Variants in AP3S2 observed in about 807,000 individuals in gnomAD.
AP3S2 encodes the protein adaptor related protein complex 3 subunit sigma 2.
AP3S2 carries 22 observed loss-of-function variants against 23.4 expected under a neutral mutation model. The observed-to-expected ratio is 0.94, with a 90% CI of 0.67 to 1.34. AP3S2 has a LOEUF of 1.34. Among genes scored for constraint, AP3S2 ranks in the 40% most tolerant of loss-of-function variants. The pLI, the probability that AP3S2 is intolerant of heterozygous loss-of-function variation, is 0.00. For synonymous variants in AP3S2, 86 were observed against 87.1 expected (o/e 0.99, Z 0.07); for missense variants, 241 against 236.9 (o/e 1.02, Z -0.11).
At chr15:89,851,905 GCA>G (rs2141851887) in intron 4 of AP3S2, among the ~76,000 whole-genome samples, 1 of 151,902 alleles carries the variant, frequency 6.6e-6, no homozygotes, top group African/African-American at 2.4e-5. Flanking sequence ...CAAATGCCAA[GCA>G]CAGTGCTAAG....
At chr15:89,852,487 G>A (rs1300420264) in intron 4 of AP3S2, 3 of 152,140 alleles carry the variant, frequency 2.0e-5, no homozygotes, top group Non-Finnish European at 4.4e-5. Flanking sequence ...GTGGGCTGTT[G>A]AGCAGCAACA....
intron 1 of AP3S2, among the ~76,000 whole-genome samples, chr15:89,889,870 A>C (rs868817944): frequency 7.8e-4 from 118 of 150,932 alleles, no homozygotes; most frequent in Admixed American, 1.7e-3. Context: ...TCTCAAAAAA[A>C]AAAAAAAAAA....
intron 4 of AP3S2, chr15:89,845,581 G>C (rs143636878): frequency 3.3e-5 from 5 of 152,296 alleles, no homozygotes; most frequent in Non-Finnish European, 7.3e-5. Flanking sequence ...CACAAAGAAG[G>C]GTTCTGTTAA....
intron 4 of AP3S2, among the ~76,000 whole-genome samples, chr15:89,863,632 A>G (rs1596204188): frequency 6.6e-6 from 1 of 152,346 alleles, no homozygotes; most frequent in East Asian, 1.9e-4. Context: ...AAGATTAGGA[A>G]TAAACAACTT....
chr15:89,860,852 C>G (rs1250713204), intron 4 of AP3S2, among the ~76,000 whole-genome samples: 1 of 152,162 alleles, frequency 6.6e-6, no homozygotes, highest in Non-Finnish European at 1.5e-5. Flanking sequence ...GATAGAGAAA[C>G]AGAGGCAGCC....
chr15:89,872,992 G>GAT (rs1896355876), intron 3 of AP3S2, among the ~76,000 whole-genome samples: 1 of 152,066 alleles, frequency 6.6e-6, no homozygotes, highest in South Asian at 2.1e-4. Flanking sequence ...ATATCTAACA[G>GAT]ATATATACAT....
intron 4 of AP3S2, among the ~76,000 whole-genome samples, chr15:89,858,533 GAAAGAA>G (rs1895919754): frequency 1.9e-5 from 1 of 51,716 alleles, no homozygotes; most frequent in Admixed American, 3.0e-4. Flanking sequence ...GAGAAAGAAA[GAAAGAA>G]AGAAAGAAAG....
chr15:89,872,654 C>A (rs79427411), intron 3 of AP3S2, among the ~76,000 whole-genome samples: 1 of 152,164 alleles, frequency 6.6e-6, no homozygotes, highest in East Asian at 1.9e-4. Flanking sequence ...CCAGGCACAC[C>A]GTTCCACTGT....
intron 5 of AP3S2, among the ~76,000 whole-genome samples, chr15:89,836,233 TAC>T (rs1567171136): frequency 6.6e-6 from 1 of 152,202 alleles, no homozygotes; most frequent in African/African-American, 2.4e-5. Context: ...GTGTGGCCTA[TAC>T]AGTTTCACAG....
intron 4 of AP3S2, among the ~76,000 whole-genome samples, chr15:89,865,171 T>G (rs1167695821): frequency 6.6e-6 from 1 of 152,114 alleles, no homozygotes; most frequent in Non-Finnish European, 1.5e-5. Context: ...CTGCTCTACC[T>G]CATCCTCAGT....
intron 4 of AP3S2, among the ~76,000 whole-genome samples, chr15:89,843,985 G>A (rs1895399101): frequency 6.6e-6 from 1 of 152,066 alleles, no homozygotes; most frequent in African/African-American, 2.4e-5. Context: ...GAAGAGAAGA[G>A]GGGAAAAAGG....
intron 3 of AP3S2, among the ~76,000 whole-genome samples, chr15:89,887,067 A>AT (rs1896717456): frequency 6.6e-6 from 1 of 152,152 alleles, no homozygotes; most frequent in African/African-American, 2.4e-5. Context: ...AAGTGCTGGG[A>AT]TTACAGGTGT....
At chr15:89,837,360 T>A (rs1010489156) in intron 5 of AP3S2, among the ~76,000 whole-genome samples, 3 of 152,182 alleles carry the variant, frequency 2.0e-5, no homozygotes, top group African/African-American at 7.2e-5. Flanking sequence ...CCAGAAGCTG[T>A]TTGCCTTCCT....
chr15:89,869,736 C>T (rs1233464217), intron 4 of AP3S2, among the ~76,000 whole-genome samples: 1 of 151,966 alleles, frequency 6.6e-6, no homozygotes, highest in Non-Finnish European at 1.5e-5. Flanking sequence ...GAAAGTAACA[C>T]CTTGTATTTA....
chr15:89,858,481 AAGAAAG>A (rs1006640982), intron 4 of AP3S2, among the ~76,000 whole-genome samples: 1 of 36,268 alleles, frequency 2.8e-5, no homozygotes. Flanking sequence ...GAAAGAAAGA[AAGAAAG>A]AAAGAAAGAG....
chr15:89,854,504 C>A (rs1352715494), intron 4 of AP3S2, among the ~76,000 whole-genome samples: 2 of 75,666 alleles, frequency 2.6e-5, no homozygotes, highest in Non-Finnish European at 5.7e-5. Flanking sequence ...CCAGCCGCCC[C>A]GTCCGGGAGG....
chr15:89,867,977 G>A lies in AP3S2; in HGVS notation c.345+3498C>T, dbSNP rs542321052. On this transcript the variant is annotated intron_variant, in intron 4 of 5. Coordinates refer to ENST00000336418, the MANE Select transcript of AP3S2 (RefSeq NM_005829.5). ...CCCCATCCGGCCAGCCGTGCCATCC[G>A]GGAGGGAGGTGGGGGGGTCAGCCCC... is the stretch of plus-strand genomic sequence containing the variant. Among the ~76,000 whole-genome samples the A allele has an allele frequency of 5.3e-3, 784 of 147,212 alleles. 7 individuals carry two copies. In the Middle Eastern group the frequency reaches 0.068, roughly 13 times the overall value.
At chr15:89,861,092 G>A (rs1896000342) in intron 4 of AP3S2, among the ~76,000 whole-genome samples, 1 of 152,094 alleles carries the variant, frequency 6.6e-6, no homozygotes, top group Non-Finnish European at 1.5e-5. Context: ...TTCACAGAAG[G>A]GACATCTGGC....
intron 4 of AP3S2, among the ~76,000 whole-genome samples, chr15:89,857,572 T>C (rs1895871693): frequency 6.6e-6 from 1 of 152,216 alleles, no homozygotes; most frequent in African/African-American, 2.4e-5. Context: ...TTGGGAAGTA[T>C]AGAAGATATA....
Sources: allele counts gnomAD v4.1 joint callset (sites outside exome capture counted in the v4.1 genomes callset), GRCh38; gene constraint gnomAD v4.1.1; transcripts MANE v1.5; gene names NCBI Gene and HGNC (gene_info 2026-07-23, HGNC 2026-07-21).